PAX8: variants seen among roughly 807,000 people sequenced by gnomAD.
The protein encoded by PAX8 is paired box protein Pax-8.
A neutral mutation model predicts 52.4 loss-of-function variants in PAX8; 15 were observed. The observed-to-expected ratio is 0.29, with a 90% CI of 0.19 to 0.44. The LOEUF is 0.44. Ranked by LOEUF, PAX8 falls within the 20% of genes least tolerant of loss-of-function variation. The pLI is 1.00. For synonymous variants in PAX8, 284 were observed against 249.7 expected (o/e 1.14, Z -1.29); for missense variants, 554 against 602.5 (o/e 0.92, Z 0.84).
chr2:113,235,628 C>T (rs746845948), intron 8 of PAX8, 46 bp from the exon 9 acceptor site: 7 of 1,495,306 alleles, frequency 4.7e-6, no homozygotes, highest in East Asian at 2.3e-5. Flanking sequence ...TGTGAGATGG[C>T]GGGGAGGGAA....
chr2:113,216,614 A>T lies in PAX8; in HGVS notation c.*1919T>A, dbSNP rs1689037571. The T allele has an allele frequency of 4.4e-6, 1 of 228,736 alleles. No homozygotes were observed. The highest frequency in any genetic ancestry group is 2.2e-5 in the African/African-American group (1 of 45,220). 14.2% of individuals were successfully genotyped at this position (228,736 alleles called of 1,614,324 possible). On this transcript the variant is annotated 3_prime_UTR_variant, in exon 12 of 12. Transcript: ENST00000429538. ...CAGATTTCCTGGAGGTGGTTGGCCT[A>T]AAGTGCTAAGTCTCTACAGCCTCCC...
intron 2 of PAX8, among the ~76,000 whole-genome samples, chr2:113,264,041 GT>G (rs1692882917): frequency 6.6e-6 from 1 of 152,222 alleles, no homozygotes; most frequent in African/African-American, 2.4e-5. Context: ...GCTAGATATT[GT>G]TTGGAGCTGT....
intron 9 of PAX8, 130 bp from the exon 10 acceptor site, chr2:113,227,386 C>T: frequency 1.3e-6 from 1 of 744,066 alleles, no homozygotes; most frequent in Non-Finnish European, 2.3e-6. Context: ...AACCCACTTC[C>T]TCCTGCCCCC....
intron 1 of PAX8, 140 bp downstream of exon 1, chr2:113,278,691 G>A: frequency 3.2e-6 from 2 of 626,270 alleles, no homozygotes; most frequent in Non-Finnish European, 5.2e-6. Flanking sequence ...CAACCTCCGT[G>A]CCCACTCCCT....
chr2:113,278,512 G>T, intron 1 of PAX8, 43 bp from the exon 2 acceptor site: 1 of 1,458,450 alleles, frequency 6.9e-7, no homozygotes, highest in Non-Finnish European at 9.4e-7. Context: ...GATGAGATTC[G>T]ATGCCTGCAT....
chr2:113,259,278 C>G (rs989667188), intron 2 of PAX8: 5 of 152,700 alleles, frequency 3.3e-5, no homozygotes, highest in Non-Finnish European at 5.9e-5. Flanking sequence ...GATGCTTCCC[C>G]CTCTGTGAAT....
chr2:113,278,135 T>C (rs1355593551), intron 2 of PAX8, among the ~76,000 whole-genome samples: 1 of 152,126 alleles, frequency 6.6e-6, no homozygotes, highest in East Asian at 1.9e-4. Context: ...CACCGATCCA[T>C]GTGGTCCCTC....
intron 7 of PAX8, chr2:113,240,236 C>T (rs1204158327): frequency 6.6e-6 from 1 of 152,284 alleles, no homozygotes; most frequent in African/African-American, 2.4e-5. Flanking sequence ...AGGCCCTCTC[C>T]CCATGCTGCT....
chr2:113,225,393 G>C (rs1033780737), intron 10 of PAX8, among the ~76,000 whole-genome samples: 1 of 152,178 alleles, frequency 6.6e-6, no homozygotes, highest in African/African-American at 2.4e-5. Context: ...GACGGACATA[G>C]AATTTTTCCA....
intron 10 of PAX8, 134 bp downstream of exon 10, chr2:113,227,021 C>T: frequency 2.6e-6 from 4 of 1,532,660 alleles, no homozygotes; most frequent in Admixed American, 2.0e-5. Context: ...AGGAGATGCC[C>T]TCTTTGGTCC....
intron 2 of PAX8, among the ~76,000 whole-genome samples, chr2:113,257,657 A>ATGG (rs1284074507): frequency 6.6e-6 from 1 of 152,156 alleles, no homozygotes; most frequent in Admixed American, 6.5e-5. Flanking sequence ...CTGGGAGAGA[A>ATGG]TCAAACTAGG....
intron 2 of PAX8, 81 bp from the exon 3 acceptor site, chr2:113,247,000 G>A (rs565312803): frequency 1.7e-5 from 22 of 1,262,038 alleles, no homozygotes; most frequent in East Asian, 2.6e-5. Context: ...TACAGGTGCT[G>A]GTGTGTGTGT....
chr2:113,225,824 G>C, intron 10 of PAX8: 2 of 767,296 alleles, frequency 2.6e-6, no homozygotes, highest in Non-Finnish European at 3.2e-6. Context: ...AAGGGGAATG[G>C]GGGGAACCGA....
At chr2:113,233,839 G>T (rs1690067903) in intron 9 of PAX8, among the ~76,000 whole-genome samples, 1 of 152,142 alleles carries the variant, frequency 6.6e-6, no homozygotes, top group Non-Finnish European at 1.5e-5. Context: ...TTCTTCAGGG[G>T]TCTGGTGAGC....
intron 10 of PAX8, among the ~76,000 whole-genome samples, chr2:113,220,681 C>A (rs1301067867): frequency 1.3e-5 from 2 of 152,016 alleles, no homozygotes; most frequent in Non-Finnish European, 2.9e-5. Context: ...TATATATGAA[C>A]CTTTTAGCCT....
At chr2:113,229,160 G>A (rs1161259952) in intron 9 of PAX8, among the ~76,000 whole-genome samples, 1 of 152,158 alleles carries the variant, frequency 6.6e-6, no homozygotes, top group Non-Finnish European at 1.5e-5. Flanking sequence ...TTCCTCTAGA[G>A]GGCAGGGCCT....
At chr2:113,224,446 C>G (rs1046094577) in intron 10 of PAX8, among the ~76,000 whole-genome samples, 15 of 150,602 alleles carry the variant, frequency 1.0e-4, no homozygotes, top group Admixed American at 2.7e-4. Flanking sequence ...AGTGGGGAGG[C>G]TGAGGCAGGA....
chr2:113,250,819 A>G (rs1421961514), intron 2 of PAX8: 1 of 152,264 alleles, frequency 6.6e-6, no homozygotes, highest in Non-Finnish European at 1.5e-5. Context: ...CTGGCCTTCA[A>G]GGAACTTCGA....
At chr2:113,256,524 A>G (rs933315349) in intron 2 of PAX8, among the ~76,000 whole-genome samples, 1 of 151,912 alleles carries the variant, frequency 6.6e-6, no homozygotes, top group Admixed American at 6.6e-5. Flanking sequence ...AACTTCTACT[A>G]CTTGCCGGGT....
Sources: gnomAD v4.1 joint callset for allele counts (sites outside exome capture counted in the v4.1 genomes callset) on GRCh38, gnomAD v4.1.1 for gene constraint, MANE v1.5 for transcripts, NCBI Gene and HGNC (gene_info 2026-07-23, HGNC 2026-07-21) for gene names.